The following TRMT44 variants were observed in gnomAD, a reference collection of about 807,000 sequenced individuals.
TRMT44 encodes the protein probable tRNA (uracil-O(2)-)-methyltransferase.
A neutral mutation model predicts 77.3 loss-of-function variants in TRMT44; 78 were observed. The ratio of observed to expected loss-of-function variants is 1.01; its 90% CI spans 0.84 to 1.22. TRMT44 has a LOEUF of 1.22. Ranked by LOEUF, TRMT44 falls within the 50% of genes most tolerant of loss-of-function variation. The pLI, the probability that TRMT44 is intolerant of heterozygous loss-of-function variation, is 0.00. For synonymous variants in TRMT44, 391 were observed against 383.3 expected, an observed-to-expected ratio of 1.02 and a Z score of -0.23; for missense variants, 1,090 against 964.4, an observed-to-expected ratio of 1.13 and a Z score of -1.73.
At chr4:8,503,446 G>T in the TRMT44 span, among the ~76,000 whole-genome samples, 1 of 152,222 alleles carries the variant, frequency 6.6e-6, no homozygotes, top group African/African-American at 2.4e-5. Flanking sequence ...GGCTGACAGT[G>T]TGCACAGGGC....
At position 8,471,520 on chromosome 4, in the gene TRMT44, C is replaced by T. The variant is rs1287885905; in HGVS notation, c.2044+320C>T. On this transcript the variant is annotated intron_variant, in intron 10 of 10. Transcript: ENST00000389737. ...ACAGAGCAAGTCGGGTAGCCGCTGG[C>T]CGGTCCCCTGTTGGCTGGGGGTCAT... Among the ~76,000 whole-genome samples the T allele has an allele frequency of 2.0e-5, 3 of 152,256 alleles. No individual in the cohort carries two copies. The East Asian group carries it at 5.8e-4, about 29-fold the overall frequency.
Position 8,461,727 on chromosome 4 carries a change from C to A in TRMT44, c.1204-2258C>A, listed in dbSNP as rs73213415. On this transcript the variant is annotated intron_variant, in intron 6 of 10. Transcript: ENST00000389737. The surrounding 1 kb of genome is among the most constrained non-coding windows in gnomAD (Gnocchi z 4.6). ...TACCTCCCAACCTTCAGTCTCGGTGCTAAAATAGCCATGTTTATTCTAGTG... is the reference window on the plus strand; with the variant it reads ...TACCTCCCAACCTTCAGTCTCGGTGATAAAATAGCCATGTTTATTCTAGTG... 5.8e-3 allele frequency among the ~76,000 whole-genome samples: 886 copies of A among 152,164 alleles called. 2 individuals carry two copies. Among genetic ancestry groups the A allele is most frequent in the Non-Finnish European group, 9.1e-3 (616 of 67,998 alleles).
chr4:8,455,135 C>T (rs1197874015), intron 6 of TRMT44, among the ~76,000 whole-genome samples: 3 of 152,162 alleles, frequency 2.0e-5, no homozygotes, highest in African/African-American at 7.2e-5. Context: ...GTGCATTTTG[C>T]GAAGTCTTCT....
the TRMT44 span, among the ~76,000 whole-genome samples, chr4:8,504,699 C>G: frequency 3.3e-5 from 5 of 152,264 alleles, no homozygotes; most frequent in Admixed American, 3.3e-4. This position sits in a 1 kb window ranked among gnomAD's most constrained non-coding sequence, Gnocchi z 5.3. Flanking sequence ...AGAGCTCTTC[C>G]TGGGGTCTCA....
In TRMT44 at chr4:8,460,623, G is replaced by A. The variant is rs898482333; in HGVS notation, c.1204-3362G>A. On this transcript the variant is annotated intron_variant, in intron 6 of 10. Coordinates refer to ENST00000389737, the MANE Select transcript of TRMT44 (RefSeq NM_152544.3). The stretch of plus-strand genomic sequence containing the variant: ...TGGAGTGGTACAGTGGCGTGATCTC[G>A]GCTCACTGCAGCCTCCACCTCCCAG... 1.1e-4 allele frequency among the ~76,000 whole-genome samples: 16 copies of A among 148,312 alleles called. 1 individual carries two copies. The highest frequency in any genetic ancestry group is 3.0e-4 in the African/African-American group (12 of 39,972).
chr4:8,474,858 C>G (rs1447449138), intron 10 of TRMT44, among the ~76,000 whole-genome samples: 1 of 152,144 alleles, frequency 6.6e-6, no homozygotes, highest in Non-Finnish European at 1.5e-5. Flanking sequence ...AGGAGGCAGC[C>G]TAGAGGAGGC....
chr4:8,455,757 T>C (rs1335963782), intron 6 of TRMT44, among the ~76,000 whole-genome samples: 2 of 152,254 alleles, frequency 1.3e-5, no homozygotes, highest in African/African-American at 4.8e-5. Context: ...CAATGTTCCA[T>C]TGAATTGTAG....
intron 6 of TRMT44, among the ~76,000 whole-genome samples, chr4:8,457,722 T>C (rs1725891425): frequency 6.6e-6 from 1 of 152,292 alleles, no homozygotes; most frequent in East Asian, 1.9e-4. Context: ...GAGAAAATAG[T>C]GTCCAGATGT....
intron 2 of TRMT44, among the ~76,000 whole-genome samples, chr4:8,492,792 G>A (rs1007394661): frequency 8.5e-5 from 13 of 152,176 alleles, no homozygotes; most frequent in African/African-American, 3.1e-4. Flanking sequence ...GCAACCGTTT[G>A]CCTCTTATCT....
chr4:8,457,828 C>T (rs910997856), intron 6 of TRMT44, among the ~76,000 whole-genome samples: 1 of 152,114 alleles, frequency 6.6e-6, no homozygotes, highest in African/African-American at 2.4e-5. Context: ...GTGGAAGTGT[C>T]ATGCCTGACT....
intron 10 of TRMT44, among the ~76,000 whole-genome samples, chr4:8,473,942 C>T (rs924528948): frequency 1.3e-5 from 2 of 152,182 alleles, no homozygotes; most frequent in African/African-American, 4.8e-5. Context: ...TCGGGAGCCT[C>T]ATCTCTATCA....
intron 3 of TRMT44, 61 bp downstream of exon 3, chr4:8,449,949 C>CTTTTCTTTTAT: frequency 5.4e-5 from 13 of 238,670 alleles, no homozygotes; most frequent in Non-Finnish European, 6.1e-5. Flanking sequence ...CTTTTCTTTT[C>CTTTTCTTTTAT]TTTTTTTTTT....
rs1725097796 is a variant in TRMT44 at position 8,446,939 on chromosome 4, G to C, written c.734+349G>C. 6.6e-6 allele frequency among the ~76,000 whole-genome samples: 1 copy of C among 152,176 alleles called. No homozygotes were observed. Among genetic ancestry groups the C allele is most frequent in the Non-Finnish European group, 1.5e-5 (1 of 68,042 alleles). On this transcript the variant is annotated intron_variant, in intron 2 of 10. Transcript: ENST00000389737. The surrounding 1 kb of genome is among the most constrained non-coding windows in gnomAD (Gnocchi z 4.3). The stretch of plus-strand genomic sequence containing the variant: ...CTTACACTGTTGCCCAGGCTGGAGT[G>C]CATTGGTGCCATCGCATTTCACTGC...
chr4:8,441,212 T>TGAAG lies in TRMT44; in HGVS notation c.396_399dup (p.Glu134LysfsTer46), dbSNP rs1473092961. 9 of 1,535,080 alleles carry TGAAG rather than the reference T, an allele frequency of 5.9e-6. No individual in the cohort carries two copies. The highest frequency in any genetic ancestry group is 7.9e-6 in the Non-Finnish European group (9 of 1,146,360). On this transcript the variant is annotated frameshift_variant, in exon 1 of 11. Transcript: ENST00000389737. LOFTEE classifies it high-confidence loss of function. ...GGGACTCCGGGCACCCCGGCCATGCTGAAGGAAGGGAGGGCGACTTCCCCG... is the reference window on the plus strand; with the variant it reads ...GGGACTCCGGGCACCCCGGCCATGCTGAAGGAAGGAAGGGAGGGCGACTTCCCCG...
At chr4:8,474,430 C>T (rs1579086366) in intron 10 of TRMT44, among the ~76,000 whole-genome samples, 1 of 152,190 alleles carries the variant, frequency 6.6e-6, no homozygotes, top group African/African-American at 2.4e-5. Flanking sequence ...CGTGGGAGGG[C>T]AAACAGGGTC....
At chr4:8,470,614 AGCATGGCCTT>A (rs1726915991) in intron 9 of TRMT44, among the ~76,000 whole-genome samples, 1 of 152,168 alleles carries the variant, frequency 6.6e-6, no homozygotes, top group African/African-American at 2.4e-5. Context: ...TTTAGTGCCT[AGCATGGCCTT>A]GCTGGCCACC....
chr4:8,449,949 CT>C (rs745915221), intron 3 of TRMT44, 61 bp downstream of exon 3: 18,726 of 237,720 alleles, frequency 0.079, 1,415 homozygotes, highest in South Asian at 0.15. Context: ...CTTTTCTTTT[CT>C]TTTTTTTTTT....
chr4:8,489,543 C>G (rs999194578), intron 2 of TRMT44, among the ~76,000 whole-genome samples: 2 of 152,196 alleles, frequency 1.3e-5, no homozygotes, highest in Admixed American at 6.5e-5. Context: ...GTGGCACAAT[C>G]TCGGCTCACT....
intron 1 of TRMT44, among the ~76,000 whole-genome samples, chr4:8,443,051 C>T (rs1243737100): frequency 6.6e-6 from 1 of 152,212 alleles, no homozygotes; most frequent in Admixed American, 6.5e-5. Context: ...CTGCCTACCT[C>T]AGGCAGCAAT....
Sources: gnomAD v4.1 joint callset for allele counts (sites outside exome capture counted in the v4.1 genomes callset) on GRCh38, gnomAD v4.1.1 for gene constraint, Gnocchi (gnomAD v3.1) non-coding constraint, MANE v1.5 for transcripts, NCBI Gene and HGNC (gene_info 2026-07-23, HGNC 2026-07-21) for gene names.